CDC42BPA: variants seen among roughly 807,000 people sequenced by gnomAD.
CDC42BPA encodes CDC42 binding protein kinase alpha.
In CDC42BPA, 80 loss-of-function variants were observed where a neutral mutation model predicts 223.5. The ratio of observed to expected loss-of-function variants is 0.36; its 90% CI spans 0.30 to 0.43. The LOEUF (loss-of-function observed/expected upper bound fraction) is 0.43. Ranked by LOEUF, CDC42BPA falls within the 20% of genes least tolerant of loss-of-function variation. CDC42BPA has a pLI of 1.00. For missense variants in CDC42BPA, 1,743 were observed against 2,099.9 expected (o/e 0.83, Z 3.32); for synonymous variants, 694 against 718.6 (o/e 0.97, Z 0.55).
At chr1:227,179,928 C>A (rs1572175312) in intron 5 of CDC42BPA, among the ~76,000 whole-genome samples, 1 of 152,058 alleles carries the variant, frequency 6.6e-6, no homozygotes, top group East Asian at 1.9e-4. Context: ...TGCCTTTGGA[C>A]AGGATGCGGA....
chr1:227,240,925 A>T (rs1208453731), intron 2 of CDC42BPA, among the ~76,000 whole-genome samples: 1 of 152,016 alleles, frequency 6.6e-6, no homozygotes, highest in African/African-American at 2.4e-5. Context: ...CTAAACGATA[A>T]TTTTTTTAAA....
At chr1:227,230,812 C>CTTTTTTTTTTTTTTTTTTTTTTTTTT (rs1309498246) in intron 2 of CDC42BPA, among the ~76,000 whole-genome samples, 6 of 111,758 alleles carry the variant, frequency 5.4e-5, no homozygotes, top group African/African-American at 6.3e-5. Flanking sequence ...TTTCTTTTTT[C>CTTTTTTTTTTTTTTTTTTTTTTTTTT]TTTCTTTCTT....
At chr1:227,210,370 G>C (rs1673660048) in intron 3 of CDC42BPA, among the ~76,000 whole-genome samples, 1 of 152,036 alleles carries the variant, frequency 6.6e-6, no homozygotes. Context: ...AAGGTCCTGA[G>C]GTCCCTAGCT....
chr1:227,207,427 C>T (rs1185016841), intron 3 of CDC42BPA, among the ~76,000 whole-genome samples: 1 of 145,618 alleles, frequency 6.9e-6, no homozygotes, highest in Non-Finnish European at 1.5e-5. Flanking sequence ...AGGTTAGTTA[C>T]ATATGTATAC....
intron 1 of CDC42BPA, among the ~76,000 whole-genome samples, chr1:227,289,262 T>A (rs1689302339): frequency 6.6e-6 from 1 of 152,138 alleles, no homozygotes; most frequent in African/African-American, 2.4e-5. Flanking sequence ...AGGAGAAACC[T>A]CATACCCTAC....
intron 21 of CDC42BPA, chr1:227,059,318 T>TG (rs763829811): frequency 1.2e-4 from 180 of 1,444,844 alleles, no homozygotes; most frequent in Non-Finnish European, 1.6e-4. Context: ...GGCAAAAGGA[T>TG]GAGAGAGGGG....
At chr1:227,211,088 T>A (rs1673801019) in intron 3 of CDC42BPA, among the ~76,000 whole-genome samples, 1 of 152,100 alleles carries the variant, frequency 6.6e-6, no homozygotes, top group African/African-American at 2.4e-5. Context: ...ATAAACTCAA[T>A]CTCGGTATTT....
At chr1:227,139,511 A>G in intron 10 of CDC42BPA, 65 bp downstream of exon 10, 1 of 1,085,044 alleles carries the variant, frequency 9.2e-7, no homozygotes, top group Non-Finnish European at 1.3e-6. Context: ...AACCACTTAT[A>G]ATAAACAGCT....
intron 2 of CDC42BPA, among the ~76,000 whole-genome samples, chr1:227,226,354 G>GT (rs1191112663): frequency 6.6e-6 from 1 of 152,176 alleles, no homozygotes; most frequent in African/African-American, 2.4e-5. Context: ...AGAAAATCCG[G>GT]TAATTTTGAA....
At chr1:227,126,024 C>T (rs1689521483) in intron 11 of CDC42BPA, among the ~76,000 whole-genome samples, 1 of 151,972 alleles carries the variant, frequency 6.6e-6, no homozygotes, top group Non-Finnish European at 1.5e-5. Flanking sequence ...TCCAGTTCTA[C>T]ACCACACCCA....
In CDC42BPA at chr1:227,147,402, G is replaced by A. The variant is rs1558611670; in HGVS notation, c.851C>T (p.Ala284Val). The A allele has an allele frequency of 6.2e-7, 1 of 1,612,244 alleles. No homozygotes were observed. Among genetic ancestry groups the A allele is most frequent in the Non-Finnish European group, 8.5e-7 (1 of 1,179,196 alleles). Residue 284 changes from alanine (A) to valine (V), a missense_variant, in exon 7 of 37, where the codon GCA becomes GTA. Transcript: ENST00000366766. ...EMLYGETPFY[A>V]ESLVETYGKI... ...TCCGTATGTCTCCACCAGCGATTCT[G>A]CATAAAATGGTGTTTCTCCGTAAAG...
At chr1:227,010,813 A>T in intron 34 of CDC42BPA, 1 of 1,013,510 alleles carries the variant, frequency 9.9e-7, no homozygotes, top group Non-Finnish European at 1.3e-6. Context: ...GTTACTTATT[A>T]AGCCAGGCAA....
chr1:227,253,964 A>G, intron 2 of CDC42BPA, 100 bp downstream of exon 2: 1 of 739,478 alleles, frequency 1.4e-6, no homozygotes, highest in Non-Finnish European at 2.4e-6. Context: ...AATATTGTTT[A>G]ACAAGTAACA....
chr1:227,007,242 A>G (rs1664288456), intron 34 of CDC42BPA, among the ~76,000 whole-genome samples: 1 of 152,194 alleles, frequency 6.6e-6, no homozygotes, highest in Admixed American at 6.5e-5. Context: ...ATAGGCTACC[A>G]TTACTATAGG....
In CDC42BPA at chr1:227,168,789, A is replaced by G. The variant is rs1235758841; in HGVS notation, c.600-8153T>C. On this transcript the variant is annotated intron_variant, in intron 5 of 36. Coordinates refer to ENST00000366766, the MANE Select transcript of CDC42BPA (RefSeq NM_001394014.1). ...TAGGATTACAGGCGTGAGCCACTGCACTCGGCCCCCTGGTGTTTCTTGAGC... is the reference window on the plus strand; with the variant it reads ...TAGGATTACAGGCGTGAGCCACTGCGCTCGGCCCCCTGGTGTTTCTTGAGC... 1.5e-4 allele frequency among the ~76,000 whole-genome samples: 23 copies of G among 152,122 alleles called. 1 individual carries two copies. Among genetic ancestry groups the G allele is most frequent in the East Asian group, 1.2e-3 (6 of 5,158 alleles).
chr1:227,317,475 T>A lies in CDC42BPA; in HGVS notation c.-293A>T, dbSNP rs1014450597. ...GTCGTATATTTAAATAAAATAATAA[T>A]TAAAAGTACAACGAACTAGAGAGTC... On this transcript the variant is annotated 5_prime_UTR_variant, in exon 1 of 37. Transcript: ENST00000366766. 1.8e-5 allele frequency: 7 copies of A among 396,272 alleles called. No individual in the cohort carries two copies. The highest frequency in any genetic ancestry group is 3.1e-5 in the Non-Finnish European group (7 of 226,164). The allele number at this position is 396,272 out of a possible 1,614,324, so 24.5% of individuals were successfully genotyped here. A position where few individuals can be genotyped will look rare whatever the true frequency, so the allele number is the denominator to read the frequency against.
intron 9 of CDC42BPA, among the ~76,000 whole-genome samples, chr1:227,141,699 C>T (rs147762274): frequency 8.5e-5 from 13 of 152,280 alleles, no homozygotes; most frequent in African/African-American, 2.9e-4. Flanking sequence ...ATCCCAGCAA[C>T]AGGGGAGGTT....
At chr1:227,011,053 G>T in intron 34 of CDC42BPA, 1 of 1,334,916 alleles carries the variant, frequency 7.5e-7, no homozygotes, top group Non-Finnish European at 9.9e-7. Context: ...GGATGGATAA[G>T]GGAAACCTGG....
intron 21 of CDC42BPA, among the ~76,000 whole-genome samples, chr1:227,063,961 T>A (rs1179369970): frequency 6.6e-6 from 1 of 152,170 alleles, no homozygotes. Context: ...AAATTAAATA[T>A]TTTGAAGCAT....
Sources: gnomAD v4.1 joint callset for allele counts (sites outside exome capture counted in the v4.1 genomes callset) on GRCh38, gnomAD v4.1.1 for gene constraint, MANE v1.5 for transcripts, NCBI Gene and HGNC (gene_info 2026-07-23, HGNC 2026-07-21) for gene names.